KRABD5: variants seen among roughly 807,000 people sequenced by gnomAD.
KRABD5 encodes the protein KRAB domain-containing protein 5.
At chr16:31,745,400 G>A in the KRABD5 span, among the ~76,000 whole-genome samples, 1 of 152,228 alleles carries the variant, frequency 6.6e-6, no homozygotes, top group South Asian at 2.1e-4. Context: ...GCAGGAGCAG[G>A]TTCTTCAATT....
the KRABD5 span, among the ~76,000 whole-genome samples, chr16:31,726,062 G>C: frequency 6.6e-6 from 1 of 152,222 alleles, no homozygotes; most frequent in Non-Finnish European, 1.5e-5. Context: ...TACCAAGGCT[G>C]ATGTTGAAGA....
chr16:31,759,234 A>G, the KRABD5 span: 2 of 1,091,070 alleles, frequency 1.8e-6, no homozygotes, highest in Non-Finnish European at 2.6e-6. Flanking sequence ...AGCTTTTAGA[A>G]CAAAATACAG....
chr16:31,739,613 C>T, the KRABD5 span, among the ~76,000 whole-genome samples: 1 of 152,136 alleles, frequency 6.6e-6, no homozygotes, highest in African/African-American at 2.4e-5. Flanking sequence ...GGAAAATTCT[C>T]AGCCATCATT....
the KRABD5 span, chr16:31,755,166 G>A: frequency 6.2e-6 from 3 of 481,210 alleles, no homozygotes; most frequent in Non-Finnish European, 8.5e-6. Flanking sequence ...TTTAACTGTA[G>A]GTCGTACCTA....
At chr16:31,730,224 T>C in the KRABD5 span, among the ~76,000 whole-genome samples, 4 of 50,886 alleles carry the variant, frequency 7.9e-5, no homozygotes, top group Non-Finnish European at 1.5e-4. Context: ...GATGAATTCC[T>C]TTAATTTTTT....
the KRABD5 span, among the ~76,000 whole-genome samples, chr16:31,715,063 G>C: frequency 6.6e-6 from 1 of 152,116 alleles, no homozygotes; most frequent in Non-Finnish European, 1.5e-5. Flanking sequence ...CACGACTCCT[G>C]GACTAAATCA....
At chr16:31,728,077 A>G in the KRABD5 span, among the ~76,000 whole-genome samples, 1 of 152,150 alleles carries the variant, frequency 6.6e-6, no homozygotes, top group Admixed American at 6.5e-5. Flanking sequence ...CTGGTCTCCA[A>G]ATCCTGGGCT....
chr16:31,743,553 C>A, the KRABD5 span, among the ~76,000 whole-genome samples: 1 of 151,872 alleles, frequency 6.6e-6, no homozygotes, highest in African/African-American at 2.4e-5. Context: ...AGTCAGGTAG[C>A]GTGATGCCTC....
the KRABD5 span, among the ~76,000 whole-genome samples, chr16:31,743,817 C>G: frequency 6.6e-6 from 1 of 152,062 alleles, no homozygotes; most frequent in East Asian, 1.9e-4. Context: ...GTTTGAAGTT[C>G]TTCTTGAAGA....
At chr16:31,713,281 C>G in the KRABD5 span, 1 of 1,064,732 alleles carries the variant, frequency 9.4e-7, no homozygotes, top group Non-Finnish European at 1.4e-6. Context: ...GCAGTAAGAG[C>G]TCAGTCTCTT....
At chr16:31,755,858 C>T in the KRABD5 span, 1 of 252,258 alleles carries the variant, frequency 4.0e-6, no homozygotes, top group South Asian at 4.1e-5. Flanking sequence ...TGTGTCAGGA[C>T]TTACACAAAA....
chr16:31,722,183 C>T, the KRABD5 span, among the ~76,000 whole-genome samples: 3 of 152,140 alleles, frequency 2.0e-5, no homozygotes, highest in Non-Finnish European at 4.4e-5. Context: ...AAGTGATTCT[C>T]CTGCCTCAGG....
At chr16:31,748,081 A>G in the KRABD5 span, among the ~76,000 whole-genome samples, 6 of 152,032 alleles carry the variant, frequency 3.9e-5, no homozygotes, top group Non-Finnish European at 7.4e-5. Context: ...TATGTCCTGA[A>G]TGGTAATGCC....
the KRABD5 span, among the ~76,000 whole-genome samples, chr16:31,751,911 T>A: frequency 1.3e-5 from 2 of 152,228 alleles, no homozygotes; most frequent in African/African-American, 4.8e-5. Context: ...AAGCTTCTTT[T>A]AATGTGGCTT....
the KRABD5 span, chr16:31,723,290 T>C: frequency 6.2e-7 from 1 of 1,613,572 alleles, no homozygotes; most frequent in Non-Finnish European, 8.5e-7. Flanking sequence ...CCTGATCACC[T>C]TTTTGGAGCA....
chr16:31,735,557 TCC>T, the KRABD5 span, among the ~76,000 whole-genome samples: 1 of 152,200 alleles, frequency 6.6e-6, no homozygotes, highest in African/African-American at 2.4e-5. Flanking sequence ...TTTCTTCACA[TCC>T]TCACCAATAC....
the KRABD5 span, among the ~76,000 whole-genome samples, chr16:31,738,264 A>T: frequency 6.6e-6 from 1 of 152,094 alleles, no homozygotes; most frequent in Non-Finnish European, 1.5e-5. Context: ...TTTGTCTCTT[A>T]TTCTTTCCAT....
the KRABD5 span, among the ~76,000 whole-genome samples, chr16:31,716,820 A>T: frequency 2.0e-5 from 3 of 152,186 alleles, no homozygotes; most frequent in Non-Finnish European, 4.4e-5. Flanking sequence ...AATACAAATT[A>T]AAAATATGAG....
At chr16:31,732,590 A>G in the KRABD5 span, among the ~76,000 whole-genome samples, 11 of 152,334 alleles carry the variant, frequency 7.2e-5, no homozygotes, top group Admixed American at 2.6e-4. Flanking sequence ...CTGACTTTAC[A>G]TTTCAGTAAT....
Sources: allele counts gnomAD v4.1 joint callset (sites outside exome capture counted in the v4.1 genomes callset), GRCh38; gene constraint gnomAD v4.1.1; transcripts MANE v1.5; gene names NCBI Gene and HGNC (gene_info 2026-07-23, HGNC 2026-07-21).